The following AGMO variants were observed in gnomAD, a reference collection of about 807,000 sequenced individuals.
AGMO encodes glyceryl-ether monooxygenase.
In AGMO, 75 loss-of-function variants were observed where a neutral mutation model predicts 60.2. That is an observed-to-expected ratio of 1.25 (90% CI 1.03 to 1.51). The LOEUF (loss-of-function observed/expected upper bound fraction) is 1.51. Among genes scored for constraint, AGMO ranks in the 40% most tolerant of loss-of-function variants. The pLI, the probability that AGMO is intolerant of heterozygous loss-of-function variation, is 0.00. For synonymous variants in AGMO, 261 were observed against 177.1 expected, an observed-to-expected ratio of 1.47 and a Z score of -3.76; for missense variants, 763 against 525.5, an observed-to-expected ratio of 1.45 and a Z score of -4.42.
intron 12 of AGMO, among the ~76,000 whole-genome samples, chr7:15,244,319 T>C (rs1433177935): frequency 6.6e-6 from 1 of 152,146 alleles, no homozygotes; most frequent in Non-Finnish European, 1.5e-5. Flanking sequence ...CCTTGATTCA[T>C]TGTTGATTGT....
At chr7:15,172,177 T>G in the AGMO span, among the ~76,000 whole-genome samples, 1 of 152,206 alleles carries the variant, frequency 6.6e-6, no homozygotes, top group African/African-American at 2.4e-5. Context: ...GGGTGTCCCA[T>G]CCTCAGATAT....
the AGMO span, among the ~76,000 whole-genome samples, chr7:15,194,448 G>C: frequency 6.6e-6 from 1 of 151,848 alleles, no homozygotes; most frequent in African/African-American, 2.4e-5. Flanking sequence ...GCATTTCAGA[G>C]AGTGCATATG....
intron 12 of AGMO, among the ~76,000 whole-genome samples, chr7:15,203,154 T>C (rs1781349412): frequency 1.3e-5 from 2 of 152,132 alleles, no homozygotes; most frequent in Admixed American, 6.5e-5. Flanking sequence ...ATAAGTTGTA[T>C]ATAAAGTTTT....
At chr7:15,178,528 G>T in the AGMO span, among the ~76,000 whole-genome samples, 2 of 152,012 alleles carry the variant, frequency 1.3e-5, no homozygotes, top group Non-Finnish European at 2.9e-5. Flanking sequence ...GTATAAATCA[G>T]TGTTTATCTT....
intron 12 of AGMO, among the ~76,000 whole-genome samples, chr7:15,326,571 T>C (rs2128542348): frequency 6.6e-6 from 1 of 152,320 alleles, no homozygotes; most frequent in African/African-American, 2.4e-5. Context: ...CTTACTCTTT[T>C]CTGAACCCAC....
chr7:15,197,325 C>A (rs1415280898), downstream of AGMO, among the ~76,000 whole-genome samples: 1 of 152,032 alleles, frequency 6.6e-6, no homozygotes, highest in Non-Finnish European at 1.5e-5. Flanking sequence ...GTCAATGATT[C>A]TATTGCAGAT....
At chr7:15,138,325 T>C in the AGMO span, among the ~76,000 whole-genome samples, 14 of 152,200 alleles carry the variant, frequency 9.2e-5, no homozygotes, top group African/African-American at 3.4e-4. Context: ...TTTGTATACG[T>C]CTCACGACTT....
Position 15,374,031 on chromosome 7 carries a change from T to A in AGMO, c.1075-7809A>T, listed in dbSNP as rs1286096142. On this transcript the variant is annotated intron_variant, in intron 10 of 12. Coordinates refer to ENST00000342526, the MANE Select transcript of AGMO (RefSeq NM_001004320.2). Reference sequence around the variant, plus strand: ...ATCTCTGCAGCTCTGAGGGCCCCAATCTTCCAGACACTGTGAGCTTGCGGA... The same window carrying A: ...ATCTCTGCAGCTCTGAGGGCCCCAAACTTCCAGACACTGTGAGCTTGCGGA... Among the ~76,000 whole-genome samples the A allele has an allele frequency of 3.3e-5, 5 of 152,288 alleles. No homozygotes were observed. In the East Asian group the frequency reaches 9.6e-4, roughly 29 times the overall value.
At chr7:15,249,473 G>T (rs1307908380) in intron 12 of AGMO, among the ~76,000 whole-genome samples, 1 of 152,144 alleles carries the variant, frequency 6.6e-6, no homozygotes, top group Non-Finnish European at 1.5e-5. Flanking sequence ...ACTTTAATTT[G>T]TCATTGTTTT....
At chr7:15,272,496 A>G (rs1228963276) in intron 12 of AGMO, among the ~76,000 whole-genome samples, 3 of 151,978 alleles carry the variant, frequency 2.0e-5, no homozygotes, top group Non-Finnish European at 4.4e-5. Flanking sequence ...TCCATGGTGT[A>G]TATGTGCCTC....
At chr7:15,280,230 C>A (rs1783923947) in intron 12 of AGMO, among the ~76,000 whole-genome samples, 1 of 152,178 alleles carries the variant, frequency 6.6e-6, no homozygotes, top group African/African-American at 2.4e-5. Context: ...CACAGACTGC[C>A]TGAAACTTAG....
chr7:15,205,727 C>T (rs1781423094), intron 12 of AGMO, among the ~76,000 whole-genome samples: 1 of 152,036 alleles, frequency 6.6e-6, no homozygotes, highest in African/African-American at 2.4e-5. Context: ...TATATGTTTT[C>T]AGCCAAATAT....
chr7:15,529,555 GAA>G (rs1784223829), intron 3 of AGMO, among the ~76,000 whole-genome samples: 1 of 105,100 alleles, frequency 9.5e-6, no homozygotes, highest in African/African-American at 4.2e-5. Context: ...TATATATATA[GAA>G]TATATATTCT....
At chr7:15,551,691 A>G (rs1402534011) in intron 2 of AGMO, among the ~76,000 whole-genome samples, 4 of 151,192 alleles carry the variant, frequency 2.6e-5, no homozygotes, top group African/African-American at 9.7e-5. Flanking sequence ...ATGGAAGAAC[A>G]TTCCATGCTC....
the AGMO span, among the ~76,000 whole-genome samples, chr7:15,176,867 C>CTA: frequency 6.6e-6 from 1 of 151,894 alleles, no homozygotes. Context: ...TTGCAGGATG[C>CTA]TATACACAAC....
At chr7:15,524,669 C>A (rs1784078151) in intron 3 of AGMO, among the ~76,000 whole-genome samples, 1 of 151,770 alleles carries the variant, frequency 6.6e-6, no homozygotes, top group Non-Finnish European at 1.5e-5. Flanking sequence ...TTGAGACCAG[C>A]CTGGCCAACA....
chr7:15,401,774 A>G (rs1462102674), intron 5 of AGMO, among the ~76,000 whole-genome samples: 1 of 152,148 alleles, frequency 6.6e-6, no homozygotes, highest in African/African-American at 2.4e-5. Flanking sequence ...CCTAAAAAGC[A>G]TGTGTTTTAC....
At chr7:15,199,131 T>C (rs1052508145), downstream of AGMO, among the ~76,000 whole-genome samples, 1 of 152,064 alleles carries the variant, frequency 6.6e-6, no homozygotes, top group Non-Finnish European at 1.5e-5. Context: ...CAAGATGGAG[T>C]CTGTTAGGTC....
chr7:15,555,002 T>C (rs1562571001), intron 2 of AGMO, among the ~76,000 whole-genome samples: 1 of 151,866 alleles, frequency 6.6e-6, no homozygotes, highest in Non-Finnish European at 1.5e-5. Context: ...TGTAATACTG[T>C]CGTTGAAAAC....
Sources: gnomAD v4.1 joint callset for allele counts (sites outside exome capture counted in the v4.1 genomes callset) on GRCh38, gnomAD v4.1.1 for gene constraint, MANE v1.5 for transcripts, NCBI Gene and HGNC (gene_info 2026-07-23, HGNC 2026-07-21) for gene names.